SBDS: variants seen among roughly 807,000 people sequenced by gnomAD.
SBDS encodes the protein SBDS ribosome maturation factor.
SBDS carries 20 observed loss-of-function variants against 26.4 expected under a neutral mutation model. That is an observed-to-expected ratio of 0.76 (90% CI 0.53 to 1.10). SBDS has a LOEUF of 1.10. Among genes scored for constraint, SBDS ranks in the 50% least tolerant of loss-of-function variants. SBDS has a pLI of 0.00. For missense variants in SBDS, 241 were observed against 302.0 expected, an observed-to-expected ratio of 0.80 and a Z score of 1.50; for synonymous variants, 95 against 105.1, an observed-to-expected ratio of 0.90 and a Z score of 0.59.
chr7:66,988,616 G>C, intron 4 of SBDS, 117 bp from the exon 5 acceptor site: 2 of 1,210,216 alleles, frequency 1.7e-6, no homozygotes, highest in South Asian at 1.3e-5. Context: ...TAATACCACA[G>C]TTCTATGGTG....
Position 66,994,236 on chromosome 7 carries a change from A to C in SBDS, c.234T>G (p.Asp78Glu). 1 of 1,614,136 alleles carries C rather than the reference A, an allele frequency of 6.2e-7. No individual in the cohort carries two copies. The highest frequency in any genetic ancestry group is 8.5e-7 in the Non-Finnish European group (1 of 1,179,996). ...KEDLISAFGT[D>E]DQTEICKQIL... The stretch of plus-strand genomic sequence containing the variant: ...CCTGCTTACAGATTTCAGTTTGGTC[A>C]TCTGTTCCAAACGCACTGATGAGAT... The change falls in exon 2 of 5, where the codon GAT becomes GAG. Residue 78 changes from aspartate (D) to glutamate (E), a missense_variant. Physicochemically the swap from Asp to Glu is conservative, Grantham distance 45. Coordinates refer to ENST00000246868, the MANE Select transcript of SBDS (RefSeq NM_016038.4).
At position 66,987,936 on chromosome 7, in the gene SBDS, C is replaced by A; in HGVS notation, c.*435G>T. On this transcript the variant is annotated 3_prime_UTR_variant, in exon 5 of 5. Transcript: ENST00000246868. Reference sequence around the variant, plus strand: ...TACGATACCATAATGACCCTCAGAACACAAGTTCCATTAAGTAGAAATGAA... The same window carrying A: ...TACGATACCATAATGACCCTCAGAAAACAAGTTCCATTAAGTAGAAATGAA... 1 of 238,506 alleles carries A rather than the reference C, an allele frequency of 4.2e-6. No homozygotes were observed. The highest frequency in any genetic ancestry group is 8.3e-6 in the Non-Finnish European group (1 of 120,116). The allele number at this position is 238,506 out of a possible 1,614,324, so 14.8% of individuals were successfully genotyped here. A position where few individuals can be genotyped will look rare whatever the true frequency, so the allele number is the denominator to read the frequency against.
At chr7:66,990,704 C>T (rs1792958039) in intron 4 of SBDS, among the ~76,000 whole-genome samples, 1 of 152,130 alleles carries the variant, frequency 6.6e-6, no homozygotes, top group Non-Finnish European at 1.5e-5. Context: ...GTAAACAAGG[C>T]TGACCAACCT....
chr7:66,993,594 C>T (rs1419600928), intron 2 of SBDS, among the ~76,000 whole-genome samples, 177 bp from the exon 3 acceptor site: 1 of 152,096 alleles, frequency 6.6e-6, no homozygotes, highest in Non-Finnish European at 1.5e-5. Context: ...AATCTTTTGG[C>T]TGGGCTCAGT....
Position 66,995,451 on chromosome 7 carries a change from C to A in SBDS, c.-34G>T. On this transcript the variant is annotated 5_prime_UTR_variant, in exon 1 of 5. Coordinates refer to ENST00000246868, the MANE Select transcript of SBDS (RefSeq NM_016038.4). ...TTCAAAGACCCAGAAGCCGGCGAAC[C>A]AGGGCTGACCCGCGCCGTCCAGCCT... 1 of 1,612,562 alleles carries A rather than the reference C, an allele frequency of 6.2e-7. No individual in the cohort carries two copies. Among genetic ancestry groups the A allele is most frequent in the East Asian group, 2.2e-5 (1 of 44,876 alleles).
intron 4 of SBDS, among the ~76,000 whole-genome samples, chr7:66,990,564 T>A (rs1018378725): frequency 6.6e-6 from 1 of 152,186 alleles, no homozygotes; most frequent in Non-Finnish European, 1.5e-5. Flanking sequence ...TTATCAATCT[T>A]CCACTAAAAT....
chr7:66,994,513 A>C, intron 1 of SBDS, 172 bp from the exon 2 acceptor site: 1 of 656,396 alleles, frequency 1.5e-6, no homozygotes, highest in East Asian at 3.4e-5. Context: ...CCCCGCCCCT[A>C]GATGGAATTT....
chr7:66,988,284 C>G lies in SBDS; in HGVS notation c.*87G>C. The G allele has an allele frequency of 7.1e-7, 1 of 1,409,840 alleles. No homozygotes were observed. The highest frequency in any genetic ancestry group is 9.9e-7 in the Non-Finnish European group (1 of 1,005,762). The allele number at this position is 1,409,840 out of a possible 1,614,324, so 87.3% of individuals were successfully genotyped here. On this transcript the variant is annotated 3_prime_UTR_variant, in exon 5 of 5. Coordinates refer to ENST00000246868, the MANE Select transcript of SBDS (RefSeq NM_016038.4). Reference sequence around the variant, plus strand: ...GATAGAAAATGTCAAATAGTTTAAGCAAGTATTTGGCAGACCACAGACATG... The same window carrying G: ...GATAGAAAATGTCAAATAGTTTAAGGAAGTATTTGGCAGACCACAGACATG...
intron 4 of SBDS, among the ~76,000 whole-genome samples, chr7:66,988,928 G>A (rs1357149165): frequency 6.6e-6 from 1 of 151,970 alleles, no homozygotes; most frequent in African/African-American, 2.4e-5. Context: ...AGAGTGCAGT[G>A]GTGTGATCTT....
In SBDS at chr7:66,995,309, C is replaced by G. The variant is rs761366712; in HGVS notation, c.109G>C (p.Val37Leu). 2 of 1,614,020 alleles carry G rather than the reference C, an allele frequency of 1.2e-6. No individual in the cohort carries two copies. The highest frequency in any genetic ancestry group is 1.7e-6 in the Non-Finnish European group (2 of 1,180,002). Residue 37 changes from valine to leucine, a missense_variant, in exon 1 of 5, where the codon GTC becomes CTC. Transcript: ENST00000246868. ...FEIACYKNKV[V>L]GWRSGVEKDL... ...ACTCACACGCCGCTCCGCCAGCCGA[C>G]GACCTTGTTTTTGTAGCAGGCGATT...
chr7:66,995,230 G>A (rs1793075627), intron 1 of SBDS, 60 bp downstream of exon 1: 1 of 1,609,998 alleles, frequency 6.2e-7, no homozygotes, highest in Non-Finnish European at 8.5e-7. Flanking sequence ...GGCAGAGACA[G>A]GCCGCCTCGG....
intron 3 of SBDS, among the ~76,000 whole-genome samples, chr7:66,992,578 T>G (rs1792996135): frequency 6.6e-6 from 1 of 152,084 alleles, no homozygotes; most frequent in African/African-American, 2.4e-5. Flanking sequence ...GAAAGTCCTA[T>G]ATACATATTT....
chr7:66,991,284 C>G lies in SBDS; in HGVS notation c.477G>C (p.Lys159Asn). The G allele has an allele frequency of 6.2e-7, 1 of 1,612,732 alleles. No individual in the cohort carries two copies. Residue 159 changes from lysine to asparagine, a missense_variant, in exon 4 of 5, where the codon AAG becomes AAC. Physicochemically the swap from Lys to Asn is moderately conservative, Grantham distance 94. Coordinates refer to ENST00000246868, the MANE Select transcript of SBDS (RefSeq NM_016038.4). ...CTATCTTCATTTTCTCTTTTAACTG[C>G]TTTATCACTTCCAAAGCCTACCAAG... The part of the protein sequence containing the change: ...STKQQALEVI[K>N]QLKEKMKIER...
At chr7:66,992,322 G>A (rs1297712229) in intron 3 of SBDS, among the ~76,000 whole-genome samples, 1 of 152,080 alleles carries the variant, frequency 6.6e-6, no homozygotes, top group African/African-American at 2.4e-5. Flanking sequence ...CCTGTGGGGG[G>A]AAAATGGGGG....
rs761249091 is a variant in SBDS, at chr7:66,993,427, T to C, written c.259-10A>G. 3 of 1,605,712 alleles carry C rather than the reference T, an allele frequency of 1.9e-6. No individual in the cohort carries two copies. Among genetic ancestry groups the C allele is most frequent in the East Asian group, 4.5e-5 (2 of 44,832 alleles). Reference sequence around the variant, plus strand: ...CTCCTTTAGTCAAAATCTAAAAAAATGCCAACACATTTAAGAAATCACTAT... The same window carrying C: ...CTCCTTTAGTCAAAATCTAAAAAAACGCCAACACATTTAAGAAATCACTAT... On this transcript the variant is annotated splice_polypyrimidine_tract_variant and intron_variant, in intron 2 of 4. Coordinates refer to ENST00000246868, the MANE Select transcript of SBDS (RefSeq NM_016038.4).
intron 2 of SBDS, 52 bp from the exon 3 acceptor site, chr7:66,993,469 CTATT>C (rs779887346): frequency 7.8e-6 from 11 of 1,402,450 alleles, no homozygotes; most frequent in Admixed American, 1.7e-5. Flanking sequence ...CTATCACACA[CTATT>C]TATTAACTAA....
intron 3 of SBDS, among the ~76,000 whole-genome samples, chr7:66,992,801 A>T (rs1033660499): frequency 5.9e-5 from 9 of 152,026 alleles, no homozygotes; most frequent in African/African-American, 2.2e-4. Flanking sequence ...TAGGGTCAGG[A>T]GTTCAAGACC....
intron 3 of SBDS, among the ~76,000 whole-genome samples, chr7:66,992,936 G>A (rs1793005370): frequency 6.6e-6 from 1 of 151,590 alleles, no homozygotes; most frequent in Non-Finnish European, 1.5e-5. Flanking sequence ...GAACGCGGGA[G>A]GTGGAGATTG....
Position 66,994,235 on chromosome 7 carries a change from C to T in SBDS, c.235G>A (p.Asp79Asn). 1 of 1,614,034 alleles carries T rather than the reference C, an allele frequency of 6.2e-7. No homozygotes were observed. The highest frequency in any genetic ancestry group is 8.5e-7 in the Non-Finnish European group (1 of 1,179,960). ...ACCTGCTTACAGATTTCAGTTTGGT[C>T]ATCTGTTCCAAACGCACTGATGAGA... is the stretch of plus-strand genomic sequence containing the variant. Reference protein sequence around the residue: ...EDLISAFGTDDQTEICKQILT... With the variant: ...EDLISAFGTDNQTEICKQILT... The change falls in exon 2 of 5, where the codon GAC (aspartate) becomes AAC (asparagine). Residue 79 changes from aspartate to asparagine, a missense_variant. Physicochemically the swap from Asp to Asn is conservative, Grantham distance 23. Transcript: ENST00000246868.
Sources: allele counts gnomAD v4.1 joint callset (sites outside exome capture counted in the v4.1 genomes callset), GRCh38; gene constraint gnomAD v4.1.1; transcripts MANE v1.5; gene names NCBI Gene and HGNC (gene_info 2026-07-23, HGNC 2026-07-21).